Variants in PCDHA1 observed in about 807,000 individuals in gnomAD.
PCDHA1 encodes the protein protocadherin alpha 1, also known as protocadherin alpha-1.
Under a neutral mutation model 61.3 loss-of-function variants are expected in PCDHA1, and 42 were observed. That is an observed-to-expected ratio of 0.69 (90% CI 0.54 to 0.89). PCDHA1 has a LOEUF of 0.89. Ranked by LOEUF, PCDHA1 falls within the 40% of genes least tolerant of loss-of-function variation. PCDHA1 has a pLI of 0.00. For missense variants in PCDHA1, 1,256 were observed against 1,235.3 expected (o/e 1.02, Z -0.25); for synonymous variants, 610 against 553.8 (o/e 1.10, Z -1.43).
At chr5:140,850,694 G>C in intron 1 of PCDHA1, 2 of 1,598,344 alleles carry the variant, frequency 1.3e-6, no homozygotes, top group Non-Finnish European at 1.7e-6. Context: ...GCGAGTGCGC[G>C]CCTGGCAAGC....
In PCDHA1 at chr5:140,853,170, C is replaced by T. The variant is rs1034307381; in HGVS notation, c.2394+64486C>T. 1.5e-5 allele frequency: 14 copies of T among 964,092 alleles called. 1 individual carries two copies. The highest frequency in any genetic ancestry group is 4.8e-5 in the South Asian group (1 of 20,842). The allele number at this position is 964,092 out of a possible 1,614,324, so 59.7% of individuals were successfully genotyped here. A position where few individuals can be genotyped will look rare whatever the true frequency, so the allele number is the denominator to read the frequency against. ...CTGGGATTACAGGCGTGAGCCACCGCGCCTGGCCTAAAATGTGTTCTTTAT... is the reference window on the plus strand; with the variant it reads ...CTGGGATTACAGGCGTGAGCCACCGTGCCTGGCCTAAAATGTGTTCTTTAT... On this transcript the variant is annotated intron_variant, in intron 1 of 3. Transcript: ENST00000504120.
chr5:141,000,485 T>C (rs2097941579), intron 3 of PCDHA1, among the ~76,000 whole-genome samples: 2 of 135,980 alleles, frequency 1.5e-5, no homozygotes, highest in African/African-American at 5.5e-5. Flanking sequence ...TGGAGTGCAA[T>C]GGTAAGATCT....
At position 140,787,740 on chromosome 5, in the gene PCDHA1, G is replaced by T. The variant is rs371009349; in HGVS notation, c.1450G>T (p.Ala484Ser). 1.2e-6 allele frequency: 2 copies of T among 1,613,410 alleles called. No homozygotes were observed. Among genetic ancestry groups the T allele is most frequent in the African/African-American group, 2.7e-5 (2 of 74,914 alleles). Residue 484 changes from alanine (A) to serine (S), a missense_variant, in exon 1 of 4, where the codon GCG becomes TCG. Transcript: ENST00000504120. ...IFTVSARDAD[A>S]QENALVSYSL... ...CACGGTGTCTGCGCGGGACGCGGACGCGCAGGAGAACGCGCTGGTGTCCTA... is the reference window on the plus strand; with the variant it reads ...CACGGTGTCTGCGCGGGACGCGGACTCGCAGGAGAACGCGCTGGTGTCCTA...
intron 1 of PCDHA1, among the ~76,000 whole-genome samples, chr5:140,977,005 A>C (rs982594376): frequency 3.3e-5 from 5 of 152,156 alleles, no homozygotes; most frequent in Non-Finnish European, 5.9e-5. Flanking sequence ...AAATCTTGTA[A>C]CTGTGATTCT....
At chr5:140,877,239 C>G (rs2056959197) in intron 1 of PCDHA1, 1 of 1,613,668 alleles carries the variant, frequency 6.2e-7, no homozygotes, top group Non-Finnish European at 8.5e-7. Context: ...GTGCGGGCCA[C>G]GTGGTGGCGA....
Position 140,786,144 on chromosome 5 carries a change from A to T in PCDHA1, c.-147A>T. The T allele has an allele frequency of 4.1e-6, 4 of 987,506 alleles. No individual in the cohort carries two copies. Among genetic ancestry groups the T allele is most frequent in the Non-Finnish European group, 6.0e-6 (4 of 665,216 alleles). 61.2% of individuals were successfully genotyped at this position (987,506 alleles called of 1,614,324 possible). A position where few individuals can be genotyped will look rare whatever the true frequency, so the allele number is the denominator to read the frequency against. On this transcript the variant is annotated 5_prime_UTR_variant, in exon 1 of 4. Coordinates refer to ENST00000504120, the MANE Select transcript of PCDHA1 (RefSeq NM_018900.4). ...TCTTGTCAATAGAAGGGAGCTACTG[A>T]TCACTAAAAGTGAAGGAGGAAGCTC...
chr5:140,853,120 C>T lies in PCDHA1; in HGVS notation c.2394+64436C>T, dbSNP rs1036865431. The T allele has an allele frequency of 1.7e-4, 85 of 494,062 alleles. 4 individuals carry two copies. Among genetic ancestry groups the T allele is most frequent in the Middle Eastern group, 1.0e-3 (1 of 976 alleles). 30.6% of individuals were successfully genotyped at this position (494,062 alleles called of 1,614,324 possible). On this transcript the variant is annotated intron_variant, in intron 1 of 3. Coordinates refer to ENST00000504120, the MANE Select transcript of PCDHA1 (RefSeq NM_018900.4). Reference sequence around the variant, plus strand: ...GGTCTCGATCTCCTGACCTCATGATCCTCCCGCCTCAGCCTCCCAAAATGC... The same window carrying T: ...GGTCTCGATCTCCTGACCTCATGATTCTCCCGCCTCAGCCTCCCAAAATGC...
chr5:140,807,473 T>C, intron 1 of PCDHA1: 1 of 1,612,608 alleles, frequency 6.2e-7, no homozygotes, highest in Non-Finnish European at 8.5e-7. Context: ...GGAGGAGCTG[T>C]GCCGGCGGAG....
At chr5:140,826,184 A>G (rs1392626377) in intron 1 of PCDHA1, among the ~76,000 whole-genome samples, 1 of 152,236 alleles carries the variant, frequency 6.6e-6, no homozygotes, top group African/African-American at 2.4e-5. Context: ...CTATAAATCT[A>G]AAGTTAACAA....
At chr5:140,870,686 A>G (rs2052295402) in intron 1 of PCDHA1, 2 of 1,612,732 alleles carry the variant, frequency 1.2e-6, no homozygotes, top group African/African-American at 2.7e-5. Flanking sequence ...GAGGAGCTGG[A>G]GCTGCTACAG....
intron 1 of PCDHA1, chr5:140,857,713 G>A (rs903592431): frequency 5.6e-6 from 9 of 1,597,320 alleles, no homozygotes; most frequent in Non-Finnish European, 7.7e-6. Flanking sequence ...TGTTCGTGCT[G>A]GACGAGAACG....
intron 1 of PCDHA1, chr5:140,858,270 G>A (rs1554151358): frequency 6.3e-7 from 1 of 1,597,416 alleles, no homozygotes; most frequent in South Asian, 1.1e-5. Flanking sequence ...GTGTGCTCTA[G>A]CGCGGTGGGG....
chr5:140,954,610 A>T (rs1464657596), intron 1 of PCDHA1, among the ~76,000 whole-genome samples: 1 of 151,962 alleles, frequency 6.6e-6, no homozygotes, highest in East Asian at 1.9e-4. Flanking sequence ...CCACTTTTTA[A>T]TGGGCTTGTT....
Position 141,010,435 on chromosome 5 carries a change from A to C in PCDHA1, c.*498A>C. 1 of 1,039,068 alleles carries C rather than the reference A, an allele frequency of 9.6e-7. No individual in the cohort carries two copies. The highest frequency in any genetic ancestry group is 1.4e-6 in the Non-Finnish European group (1 of 739,892). The allele number at this position is 1,039,068 out of a possible 1,614,324, so 64.4% of individuals were successfully genotyped here. A position where few individuals can be genotyped will look rare whatever the true frequency, so the allele number is the denominator to read the frequency against. On this transcript the variant is annotated 3_prime_UTR_variant, in exon 4 of 4. Transcript: ENST00000504120. ...TGGTACAAGGAAGGCAAGAAAACAA[A>C]GACAAATAAACAGCGGAAGTTATCA...
chr5:140,819,029 A>G (rs1307031526), intron 1 of PCDHA1, among the ~76,000 whole-genome samples: 1 of 152,214 alleles, frequency 6.6e-6, no homozygotes, highest in Non-Finnish European at 1.5e-5. Flanking sequence ...ATTTTAGCAC[A>G]TTCCCTTATA....
At chr5:141,002,600 A>G (rs1269340072) in intron 3 of PCDHA1, among the ~76,000 whole-genome samples, 1 of 152,204 alleles carries the variant, frequency 6.6e-6, no homozygotes, top group Non-Finnish European at 1.5e-5. Flanking sequence ...CCCCTCATCT[A>G]TAAAACAGAC....
chr5:140,942,255 A>G (rs2093254394), intron 1 of PCDHA1, among the ~76,000 whole-genome samples: 1 of 152,194 alleles, frequency 6.6e-6, no homozygotes, highest in Non-Finnish European at 1.5e-5. Context: ...TCATTAAAAG[A>G]TATCTAAAGC....
chr5:140,841,660 G>T (rs2150320374), intron 1 of PCDHA1: 29 of 1,614,122 alleles, frequency 1.8e-5, no homozygotes, highest in Non-Finnish European at 2.5e-5. Context: ...TGGACAGGCC[G>T]CTGCAGGTTT....
chr5:140,980,856 G>GT (rs2096908809), intron 2 of PCDHA1, among the ~76,000 whole-genome samples: 1 of 151,886 alleles, frequency 6.6e-6, no homozygotes, highest in Admixed American at 6.6e-5. Context: ...AATCTTTTTC[G>GT]TATGTGTGCT....
Sources: allele counts gnomAD v4.1 joint callset (sites outside exome capture counted in the v4.1 genomes callset), GRCh38; gene constraint gnomAD v4.1.1; transcripts MANE v1.5; gene names NCBI Gene and HGNC (gene_info 2026-07-23, HGNC 2026-07-21).